MSRA: variants seen among roughly 807,000 people sequenced by gnomAD.
MSRA encodes methionine sulfoxide reductase A, also known as mitochondrial peptide methionine sulfoxide reductase.
In MSRA, 54 loss-of-function variants were observed where a neutral mutation model predicts 31.3. The observed-to-expected ratio is 1.73, with a 90% CI of 1.39 to 2.17. The LOEUF is 2.17. MSRA is among the 30% of genes most tolerant of loss of function. The probability of loss-of-function intolerance (pLI) is 0.00; values close to 1 mark genes in which losing one functional copy is unlikely to be tolerated. For synonymous variants in MSRA, 169 were observed against 116.5 expected, an observed-to-expected ratio of 1.45 and a Z score of -2.90; for missense variants, 507 against 300.9, an observed-to-expected ratio of 1.69 and a Z score of -5.07.
chr8:10,104,777 A>G (rs1176715607), intron 1 of MSRA, among the ~76,000 whole-genome samples: 1 of 152,180 alleles, frequency 6.6e-6, no homozygotes, highest in Admixed American at 6.5e-5. Flanking sequence ...CCTTCACATC[A>G]TAGCCTGAAC....
chr8:10,393,041 G>A (rs1467071076), intron 5 of MSRA, among the ~76,000 whole-genome samples: 1 of 127,772 alleles, frequency 7.8e-6, no homozygotes, highest in Non-Finnish European at 1.6e-5. Context: ...CAGCCTGGAC[G>A]ACTGAGCGAG....
At chr8:10,175,083 A>G (rs1018013909) in intron 1 of MSRA, among the ~76,000 whole-genome samples, 8 of 151,686 alleles carry the variant, frequency 5.3e-5, no homozygotes, top group Non-Finnish European at 4.4e-5. Context: ...GTTCTACTCT[A>G]CCTGTCTAGC....
chr8:10,101,537 T>A (rs1799529409), intron 1 of MSRA, among the ~76,000 whole-genome samples: 1 of 152,158 alleles, frequency 6.6e-6, no homozygotes, highest in Admixed American at 6.5e-5. Context: ...TATTCTTCCC[T>A]TCCCCAAACC....
At chr8:10,093,240 G>T (rs150704087) in intron 1 of MSRA, among the ~76,000 whole-genome samples, 1 of 152,086 alleles carries the variant, frequency 6.6e-6, no homozygotes, top group African/African-American at 2.4e-5. Flanking sequence ...TATATTCTAC[G>T]TATCTTTGTC....
intron 5 of MSRA, among the ~76,000 whole-genome samples, chr8:10,362,395 G>A (rs1358270555): frequency 5.9e-5 from 8 of 135,458 alleles, no homozygotes; most frequent in East Asian, 4.8e-4. Context: ...TTGAGGACAC[G>A]TTTCTTGATA....
intron 5 of MSRA, among the ~76,000 whole-genome samples, chr8:10,350,483 C>G (rs1217488253): frequency 6.6e-6 from 1 of 152,238 alleles, no homozygotes; most frequent in African/African-American, 2.4e-5. Flanking sequence ...TAAAGCCCTT[C>G]CTACTCTGAC....
chr8:10,355,691 A>C (rs768301868), intron 5 of MSRA, among the ~76,000 whole-genome samples: 1 of 152,118 alleles, frequency 6.6e-6, no homozygotes, highest in African/African-American at 2.4e-5. Context: ...GGATCCTAGT[A>C]GCTTTCCTGG....
intron 1 of MSRA, among the ~76,000 whole-genome samples, chr8:10,087,563 G>T (rs999075703): frequency 1.3e-5 from 2 of 152,194 alleles, no homozygotes; most frequent in African/African-American, 4.8e-5. Flanking sequence ...TTTCCAGAGG[G>T]AGAGAAAGTA....
intron 1 of MSRA, among the ~76,000 whole-genome samples, chr8:10,154,336 G>T (rs989458127): frequency 6.6e-6 from 1 of 152,006 alleles, no homozygotes; most frequent in Non-Finnish European, 1.5e-5. Flanking sequence ...GCTTCAATAC[G>T]ATGGAAGGCT....
intron 5 of MSRA, among the ~76,000 whole-genome samples, chr8:10,322,197 C>A (rs1184677215): frequency 6.6e-6 from 1 of 151,298 alleles, no homozygotes; most frequent in Non-Finnish European, 1.5e-5. Flanking sequence ...TCAAGCAGAC[C>A]TATGAGGATG....
chr8:10,361,325 G>A (rs1231125793), intron 5 of MSRA, among the ~76,000 whole-genome samples: 2 of 152,170 alleles, frequency 1.3e-5, no homozygotes. Flanking sequence ...CCACCAAAAG[G>A]CTCTAGGGTC....
At chr8:10,227,264 G>A (rs60007481) in intron 2 of MSRA, among the ~76,000 whole-genome samples, 21,636 of 152,030 alleles carry the variant, frequency 0.14, 1,687 homozygotes, top group East Asian at 0.29. Context: ...ATAAGGAAGA[G>A]GGGCTAAATT....
intron 3 of MSRA, among the ~76,000 whole-genome samples, chr8:10,270,814 A>G (rs1285068028): frequency 3.3e-5 from 5 of 152,218 alleles, no homozygotes; most frequent in Admixed American, 6.5e-5. Flanking sequence ...TCTTCAAAAG[A>G]AGAGAGTTAT....
chr8:10,266,672 TTC>T (rs1798764407), intron 3 of MSRA, among the ~76,000 whole-genome samples: 1 of 152,204 alleles, frequency 6.6e-6, no homozygotes, highest in Non-Finnish European at 1.5e-5. Context: ...CACAAATATT[TTC>T]TCTTATTTTT....
At chr8:10,218,655 C>T (rs995014463) in intron 2 of MSRA, among the ~76,000 whole-genome samples, 2 of 152,144 alleles carry the variant, frequency 1.3e-5, no homozygotes, top group African/African-American at 4.8e-5. Context: ...GGTGATTTTC[C>T]TTATGTACCA....
intron 1 of MSRA, among the ~76,000 whole-genome samples, chr8:10,085,341 G>T (rs1420876055): frequency 6.6e-6 from 1 of 152,172 alleles, no homozygotes; most frequent in Non-Finnish European, 1.5e-5. Flanking sequence ...CCCAGTGCCT[G>T]GCTCCAGGCC....
chr8:10,396,896 A>C lies in MSRA; in HGVS notation c.544-31252A>C, dbSNP rs80323337. Among the ~76,000 whole-genome samples, 812 of 152,342 alleles carry C rather than the reference A, an allele frequency of 5.3e-3. 10 individuals carry two copies. Among genetic ancestry groups the C allele is most frequent in the African/African-American group, 0.019 (780 of 41,568 alleles). ...CCCAGCCAGAATTATTCAGTTTGACATCTGTGCTCCAAGGCATGACCTCTT... is the reference window on the plus strand; with the variant it reads ...CCCAGCCAGAATTATTCAGTTTGACCTCTGTGCTCCAAGGCATGACCTCTT... On this transcript the variant is annotated intron_variant, in intron 5 of 5. Coordinates refer to ENST00000317173, the MANE Select transcript of MSRA (RefSeq NM_012331.5).
intron 3 of MSRA, among the ~76,000 whole-genome samples, chr8:10,272,652 T>A (rs189650180): frequency 7.9e-5 from 12 of 152,344 alleles, no homozygotes; most frequent in South Asian, 2.1e-4. Context: ...CACATAAAAT[T>A]AACCCTCACT....
intron 3 of MSRA, among the ~76,000 whole-genome samples, chr8:10,280,022 A>G (rs779588345): frequency 7.2e-5 from 11 of 152,252 alleles, no homozygotes; most frequent in Non-Finnish European, 1.6e-4. Flanking sequence ...TAGTTATTAA[A>G]GATAGTGCAG....
Sources: gnomAD v4.1 joint callset for allele counts (sites outside exome capture counted in the v4.1 genomes callset) on GRCh38, gnomAD v4.1.1 for gene constraint, MANE v1.5 for transcripts, NCBI Gene and HGNC (gene_info 2026-07-23, HGNC 2026-07-21) for gene names.